Variants in AFG2A observed in about 807,000 individuals in gnomAD.
AFG2A encodes the protein ATPase family gene 2 protein homolog A.
the AFG2A span, among the ~76,000 whole-genome samples, chr4:122,983,154 C>T: frequency 1.3e-5 from 2 of 152,176 alleles, no homozygotes; most frequent in South Asian, 4.2e-4. Flanking sequence ...GTGTGAGCAC[C>T]GCGCCCAGCC....
chr4:123,044,539 G>A, the AFG2A span, among the ~76,000 whole-genome samples: 2 of 151,874 alleles, frequency 1.3e-5, no homozygotes, highest in Non-Finnish European at 2.9e-5. Context: ...AAATTCATGT[G>A]GCTCTGACAA....
At chr4:123,314,283 T>C in the AFG2A span, 2 of 346,442 alleles carry the variant, frequency 5.8e-6, no homozygotes, top group African/African-American at 4.2e-5. Flanking sequence ...TGGAAATTTG[T>C]GGTGTGGTTT....
the AFG2A span, among the ~76,000 whole-genome samples, chr4:123,142,535 A>G: frequency 5.3e-5 from 8 of 152,196 alleles, no homozygotes; most frequent in South Asian, 8.3e-4. Context: ...TTAAATTGTC[A>G]TATTTCCAAG....
the AFG2A span, among the ~76,000 whole-genome samples, chr4:122,980,830 T>A: frequency 2.4e-4 from 37 of 152,336 alleles, no homozygotes; most frequent in African/African-American, 7.9e-4. Flanking sequence ...TGCCCATTTT[T>A]AATCAGATTG....
the AFG2A span, among the ~76,000 whole-genome samples, chr4:123,104,006 G>A: frequency 1.3e-5 from 2 of 152,242 alleles, no homozygotes; most frequent in East Asian, 3.9e-4. Flanking sequence ...TTGGAATGAT[G>A]TAGATATTCT....
the AFG2A span, among the ~76,000 whole-genome samples, chr4:123,259,007 C>T: frequency 9.2e-5 from 14 of 151,916 alleles, no homozygotes; most frequent in African/African-American, 3.4e-4. Flanking sequence ...GCTGGGATTA[C>T]AGGCACCCAC....
the AFG2A span, chr4:123,028,322 C>T: frequency 1.2e-6 from 2 of 1,614,056 alleles, no homozygotes; most frequent in Non-Finnish European, 1.7e-6. Flanking sequence ...CTCTATGGGC[C>T]ACCTGGGTGC....
the AFG2A span, among the ~76,000 whole-genome samples, chr4:123,311,625 C>CAAAAAAAAAAAAAAAAAAAAAAAAAA: frequency 1.1e-5 from 1 of 92,234 alleles, no homozygotes; most frequent in African/African-American, 4.5e-5. Context: ...GACTCTGTCT[C>CAAAAAAAAAAAAAAAAAAAAAAAAAA]AAAAAAAAAA....
chr4:123,193,514 A>C, the AFG2A span, among the ~76,000 whole-genome samples: 2 of 152,202 alleles, frequency 1.3e-5, no homozygotes, highest in Non-Finnish European at 2.9e-5. Context: ...TTTACTTTTA[A>C]AGCACTATAG....
chr4:123,124,859 T>A, the AFG2A span, among the ~76,000 whole-genome samples: 1 of 152,232 alleles, frequency 6.6e-6, no homozygotes, highest in African/African-American at 2.4e-5. Flanking sequence ...TCGAGTATTA[T>A]ACTTCTTTTG....
At chr4:123,291,044 A>C in the AFG2A span, among the ~76,000 whole-genome samples, 1 of 152,176 alleles carries the variant, frequency 6.6e-6, no homozygotes, top group African/African-American at 2.4e-5. Flanking sequence ...ATCATTATAT[A>C]ATGACCCTCT....
chr4:123,012,524 G>A, the AFG2A span, among the ~76,000 whole-genome samples: 5 of 152,014 alleles, frequency 3.3e-5, no homozygotes, highest in African/African-American at 1.2e-4. Context: ...CAAGGCAGGC[G>A]TCCCTGCGGT....
chr4:123,094,564 T>C, the AFG2A span, among the ~76,000 whole-genome samples: 2 of 152,058 alleles, frequency 1.3e-5, no homozygotes, highest in Non-Finnish European at 2.9e-5. Flanking sequence ...AAAGTGTTCC[T>C]GTAGATCTCT....
the AFG2A span, among the ~76,000 whole-genome samples, chr4:122,925,147 C>A: frequency 9.9e-5 from 15 of 152,280 alleles, no homozygotes; most frequent in Middle Eastern, 3.4e-3. Flanking sequence ...CTCTCCCCCC[C>A]ATATCTCACA....
chr4:122,935,691 G>A, the AFG2A span: 1 of 1,554,586 alleles, frequency 6.4e-7, no homozygotes, highest in Non-Finnish European at 8.7e-7. Context: ...GGTGAATCTA[G>A]TGTTTTCTAC....
the AFG2A span, among the ~76,000 whole-genome samples, chr4:123,025,270 A>G: frequency 6.6e-6 from 1 of 152,210 alleles, no homozygotes; most frequent in Non-Finnish European, 1.5e-5. Context: ...TTAAGCCACA[A>G]TCCAGAGACA....
chr4:123,100,221 C>A, the AFG2A span, among the ~76,000 whole-genome samples: 1 of 151,720 alleles, frequency 6.6e-6, no homozygotes, highest in African/African-American at 2.4e-5. Flanking sequence ...CGAAATAGAC[C>A]ATTTCATTTT....
the AFG2A span, among the ~76,000 whole-genome samples, chr4:122,924,130 T>C: frequency 6.6e-6 from 1 of 152,256 alleles, no homozygotes; most frequent in African/African-American, 2.4e-5. Context: ...GTATTTTCAC[T>C]CTGCCTTAGG....
chr4:122,923,978 T>C, the AFG2A span, among the ~76,000 whole-genome samples: 516 of 152,352 alleles, frequency 3.4e-3, 3 homozygotes, highest in Middle Eastern at 0.014. Context: ...TGGGAGAACG[T>C]ATTTATACTG....
Sources: gnomAD v4.1 joint callset for allele counts (sites outside exome capture counted in the v4.1 genomes callset) on GRCh38, gnomAD v4.1.1 for gene constraint, MANE v1.5 for transcripts, NCBI Gene and HGNC (gene_info 2026-07-23, HGNC 2026-07-21) for gene names.